Variants in ZNF341 observed in about 807,000 individuals in gnomAD.
ZNF341 encodes the protein zinc finger protein 341.
In ZNF341, 52 loss-of-function variants were observed where a neutral mutation model predicts 87.7. The observed-to-expected ratio is 0.59, with a 90% CI of 0.47 to 0.75. The LOEUF is 0.75. ZNF341 is among the 30% of genes least tolerant of loss of function. The pLI is 0.00. For missense variants in ZNF341, 977 were observed against 1,145.9 expected, an observed-to-expected ratio of 0.85 and a Z score of 2.13; for synonymous variants, 459 against 472.7, an observed-to-expected ratio of 0.97 and a Z score of 0.38.
chr20:33,748,935 A>G lies in ZNF341; in HGVS notation c.352A>G (p.Ile118Val), dbSNP rs1320107221. The change falls in exon 4 of 15, where the codon ATC becomes GTC. Residue 118 changes from isoleucine (I) to valine (V), a missense_variant. This residue lies in a region of ZNF341 where 515 missense variants were observed against 598.2 expected (regional missense o/e 0.86). Coordinates refer to ENST00000375200, the MANE Select transcript of ZNF341 (RefSeq NM_001282933.2). ...TCCCACTGTCCAGATCTCCACATAC[A>G]TCACAGTGCCCCCGTCCCCACTGAT... is the stretch of plus-strand genomic sequence containing the variant. Reference protein sequence around the residue: ...TPANRQISTYITVPPSPLIQT... With the variant: ...TPANRQISTYVTVPPSPLIQT... 1 of 1,613,284 alleles carries G rather than the reference A, an allele frequency of 6.2e-7. No individual in the cohort carries two copies. The highest frequency in any genetic ancestry group is 1.7e-5 in the Admixed American group (1 of 59,982).
At chr20:33,741,434 T>C (rs1322491229) in intron 2 of ZNF341, among the ~76,000 whole-genome samples, 4 of 151,576 alleles carry the variant, frequency 2.6e-5, no homozygotes, top group African/African-American at 9.7e-5. Context: ...AGACAGAGTG[T>C]TACTCTGTCC....
chr20:33,788,144 C>T (rs60807022), intron 12 of ZNF341: 5,308 of 152,700 alleles, frequency 0.035, 299 homozygotes, highest in African/African-American at 0.12. Flanking sequence ...TGGCTGGGCG[C>T]GGTGGCTCAT....
chr20:33,772,346 G>T (rs2019550444), intron 10 of ZNF341, among the ~76,000 whole-genome samples: 1 of 152,096 alleles, frequency 6.6e-6, no homozygotes, highest in African/African-American at 2.4e-5. Context: ...CATTACAGTG[G>T]TTTTTGCTTC....
intron 1 of ZNF341, 140 bp from the exon 2 acceptor site, chr20:33,740,762 C>T (rs1392774716): frequency 3.0e-6 from 2 of 657,126 alleles, no homozygotes; most frequent in Non-Finnish European, 5.3e-6. Context: ...CCCACCTTAG[C>T]CTCCCATGGT....
At chr20:33,741,237 A>T (rs1601233385) in intron 2 of ZNF341, among the ~76,000 whole-genome samples, 1 of 152,134 alleles carries the variant, frequency 6.6e-6, no homozygotes, top group East Asian at 1.9e-4. Context: ...ATGTGGGGAG[A>T]TGGGATCAAG....
intron 4 of ZNF341, among the ~76,000 whole-genome samples, chr20:33,750,643 A>C (rs2019035944): frequency 1.3e-5 from 2 of 151,704 alleles, no homozygotes; most frequent in African/African-American, 2.4e-5. Flanking sequence ...TTTAAAAAAA[A>C]ATTTTTTTTT....
intron 11 of ZNF341, among the ~76,000 whole-genome samples, chr20:33,782,560 C>T (rs185407494): frequency 2.6e-5 from 4 of 152,218 alleles, no homozygotes; most frequent in South Asian, 2.1e-4. Context: ...AGTTGTGGTC[C>T]GAGTAAAAGA....
In ZNF341 at chr20:33,732,018, C is replaced by A; in HGVS notation, c.-4C>A. 6.3e-6 allele frequency: 9 copies of A among 1,423,100 alleles called. No homozygotes were observed. The highest frequency in any genetic ancestry group is 7.4e-6 in the Non-Finnish European group (8 of 1,083,064). 88.2% of individuals were successfully genotyped at this position (1,423,100 alleles called of 1,614,324 possible). On this transcript the variant is annotated 5_prime_UTR_variant, in exon 1 of 15. Coordinates refer to ENST00000375200, the MANE Select transcript of ZNF341 (RefSeq NM_001282933.2). This position sits in a 1 kb window ranked among gnomAD's most constrained non-coding sequence, Gnocchi z 4.5. ...CCTGTGGCGGCGACGGCGGCGGCTC[C>A]AAGATGGCGCAGGCGATCTTTGAGG... is the stretch of plus-strand genomic sequence containing the variant.
At chr20:33,758,467 C>T (rs1423267344) in intron 6 of ZNF341, among the ~76,000 whole-genome samples, 2 of 152,056 alleles carry the variant, frequency 1.3e-5, no homozygotes, top group Non-Finnish European at 2.9e-5. Context: ...TGGCAAAGAG[C>T]GTGGATTTGA....
intron 10 of ZNF341, among the ~76,000 whole-genome samples, chr20:33,771,051 G>A (rs1284149995): frequency 2.0e-5 from 3 of 152,012 alleles, no homozygotes; most frequent in Admixed American, 6.6e-5. Flanking sequence ...GAACCCGGGA[G>A]GCAGAGCTTG....
intron 10 of ZNF341, among the ~76,000 whole-genome samples, chr20:33,778,009 C>T (rs1408445097): frequency 6.6e-6 from 1 of 152,180 alleles, no homozygotes; most frequent in Non-Finnish European, 1.5e-5. Flanking sequence ...TGTCCTCCTC[C>T]GTGTGTCATA....
At chr20:33,736,394 G>A (rs1326574150) in intron 1 of ZNF341, among the ~76,000 whole-genome samples, 1 of 151,964 alleles carries the variant, frequency 6.6e-6, no homozygotes, top group Non-Finnish European at 1.5e-5. Context: ...AGCTAACTTC[G>A]GCAGAAATTT....
chr20:33,756,203 A>G (rs574271241), intron 5 of ZNF341, among the ~76,000 whole-genome samples: 1 of 152,158 alleles, frequency 6.6e-6, no homozygotes, highest in African/African-American at 2.4e-5. Flanking sequence ...AGCCTGGACA[A>G]TAGAGCAAGA....
rs995367427 is a variant in ZNF341 at position 33,780,348 on chromosome 20, C to T, written c.1623-943C>T. ...GTGGGAGTGGGTCAGACCACAGGGC[C>T]TTGTAGGCCAAGGTGGGAGGTGGGT... On this transcript the variant is annotated intron_variant, in intron 10 of 14. Transcript: ENST00000375200. 2.0e-5 allele frequency among the ~76,000 whole-genome samples: 3 copies of T among 150,246 alleles called. 1 individual carries two copies. Among genetic ancestry groups the T allele is most frequent in the Non-Finnish European group, 4.4e-5 (3 of 67,732 alleles).
At chr20:33,785,984 T>A in intron 12 of ZNF341, among the ~76,000 whole-genome samples, 1 of 147,806 alleles carries the variant, frequency 6.8e-6, no homozygotes. Context: ...TCTTCCTCAA[T>A]GAATTTTTCA....
chr20:33,757,355 G>C lies in ZNF341; in HGVS notation c.937+12G>C. 6.9e-7 allele frequency: 1 copy of C among 1,452,098 alleles called. No individual in the cohort carries two copies. The highest frequency in any genetic ancestry group is 9.1e-7 in the Non-Finnish European group (1 of 1,095,726). 90.0% of individuals were successfully genotyped at this position (1,452,098 alleles called of 1,614,324 possible). ...GGGACTCCCGGAAGGTGGGCCCCCA[G>C]CCTGCCATGGGCATCTTTCCTCAAC... On this transcript the variant is annotated intron_variant, in intron 6 of 14. Transcript: ENST00000375200.
chr20:33,781,100 A>G (rs1457701691), intron 10 of ZNF341, among the ~76,000 whole-genome samples, 191 bp from the exon 11 acceptor site: 1 of 152,196 alleles, frequency 6.6e-6, no homozygotes, highest in Admixed American at 6.5e-5. Flanking sequence ...CGAGGAGGCT[A>G]CTGCACAAGT....
chr20:33,787,017 A>G (rs77551257), intron 12 of ZNF341: 1 of 151,954 alleles, frequency 6.6e-6, no homozygotes, highest in Non-Finnish European at 1.5e-5. Context: ...AACAAAAAAA[A>G]CCACACAAAT....
chr20:33,752,714 G>A (rs1349139849), intron 4 of ZNF341, among the ~76,000 whole-genome samples: 1 of 145,214 alleles, frequency 6.9e-6, no homozygotes, highest in East Asian at 2.0e-4. Context: ...GTGTGGTGGT[G>A]CAATCTCCAC....
Sources: allele counts gnomAD v4.1 joint callset (sites outside exome capture counted in the v4.1 genomes callset), GRCh38; gene constraint gnomAD v4.1.1; regional missense constraint gnomAD v4.1.1; non-coding constraint Gnocchi (gnomAD v3.1); transcripts MANE v1.5; gene names NCBI Gene and HGNC (gene_info 2026-07-23, HGNC 2026-07-21).